GALNT13: variants seen among roughly 807,000 people sequenced by gnomAD.
GALNT13 encodes polypeptide N-acetylgalactosaminyltransferase 13.
GALNT13 carries 28 observed loss-of-function variants against 64.2 expected under a neutral mutation model. The ratio of observed to expected loss-of-function variants is 0.44; its 90% CI spans 0.32 to 0.60. The LOEUF is 0.60. Among genes scored for constraint, GALNT13 ranks in the 20% least tolerant of loss-of-function variants. The pLI, the probability that GALNT13 is intolerant of heterozygous loss-of-function variation, is 0.05. For synonymous variants in GALNT13, 214 were observed against 224.6 expected (o/e 0.95, Z 0.42); for missense variants, 577 against 669.8 (o/e 0.86, Z 1.53).
In GALNT13 at chr2:153,944,453, G is replaced by T; in HGVS notation, c.-45G>T. 6.3e-7 allele frequency: 1 copy of T among 1,584,824 alleles called. No individual in the cohort carries two copies. ...TGTGTGGCTTGGATTTATCACAGTA[G>T]CATTTGTCTTCAATCTGTGTGTTAA... On this transcript the variant is annotated 5_prime_UTR_variant, in exon 3 of 13. Transcript: ENST00000392825.
intron 3 of GALNT13, among the ~76,000 whole-genome samples, chr2:153,973,485 A>G (rs1359734139): frequency 6.6e-6 from 1 of 152,056 alleles, no homozygotes; most frequent in African/African-American, 2.4e-5. Flanking sequence ...TGCCAAATTT[A>G]CAGTAACCCA....
chr2:153,806,284 C>G, the GALNT13 span, among the ~76,000 whole-genome samples: 7,742 of 152,072 alleles, frequency 0.051, 246 homozygotes, highest in Middle Eastern at 0.095. Flanking sequence ...GAAGCTCCCA[C>G]TAGCCAAAGA....
the GALNT13 span, among the ~76,000 whole-genome samples, chr2:153,847,602 T>C: frequency 8.6e-5 from 13 of 151,754 alleles, no homozygotes; most frequent in Admixed American, 8.5e-4. Context: ...GGAAATTAAA[T>C]AACACACATC....
At chr2:153,671,932 A>G in the GALNT13 span, among the ~76,000 whole-genome samples, 1 of 152,232 alleles carries the variant, frequency 6.6e-6, no homozygotes, top group Non-Finnish European at 1.5e-5. Context: ...CTTTAAACCA[A>G]CAAAGATCAA....
At chr2:153,962,271 C>T (rs1692998919) in intron 3 of GALNT13, among the ~76,000 whole-genome samples, 1 of 152,120 alleles carries the variant, frequency 6.6e-6, no homozygotes, top group Non-Finnish European at 1.5e-5. Flanking sequence ...TTCATAAGAT[C>T]ATTGCATATT....
At chr2:154,011,605 A>G (rs1579347) in intron 3 of GALNT13, among the ~76,000 whole-genome samples, 116,392 of 152,068 alleles carry the variant, frequency 0.77, 44,930 homozygotes, top group East Asian at 0.96. Flanking sequence ...CAAGTGTTGT[A>G]TTCAGTTCCT....
the GALNT13 span, among the ~76,000 whole-genome samples, chr2:153,400,568 G>C: frequency 3.3e-5 from 5 of 152,040 alleles, no homozygotes; most frequent in African/African-American, 1.2e-4. Context: ...ACTCTTTTTG[G>C]TTGGTAAGCT....
chr2:154,298,519 TA>T (rs1284718202), intron 8 of GALNT13, among the ~76,000 whole-genome samples: 2 of 72,922 alleles, frequency 2.7e-5, no homozygotes, highest in African/African-American at 8.2e-5. Flanking sequence ...AATTATATAT[TA>T]TATATAAAAT....
At chr2:153,707,552 A>G in the GALNT13 span, among the ~76,000 whole-genome samples, 2 of 152,312 alleles carry the variant, frequency 1.3e-5, no homozygotes, top group South Asian at 2.1e-4. Flanking sequence ...CAGTAGTTCA[A>G]TGTATGTGCT....
chr2:154,255,169 A>C (rs1195503745), intron 7 of GALNT13, among the ~76,000 whole-genome samples: 1 of 152,162 alleles, frequency 6.6e-6, no homozygotes, highest in Non-Finnish European at 1.5e-5. Context: ...GATTTCAAGC[A>C]GGAAGCCTGA....
At chr2:154,332,855 T>C (rs569518743) in intron 9 of GALNT13, among the ~76,000 whole-genome samples, 3 of 152,166 alleles carry the variant, frequency 2.0e-5, no homozygotes, top group Admixed American at 6.6e-5. Flanking sequence ...ATCTATCTTC[T>C]CATGTACATA....
At chr2:154,317,685 C>G (rs1420840994) in intron 9 of GALNT13, among the ~76,000 whole-genome samples, 2 of 152,106 alleles carry the variant, frequency 1.3e-5, no homozygotes, top group Non-Finnish European at 2.9e-5. Context: ...ATCCCTGTTT[C>G]CCTGGGACTC....
the GALNT13 span, among the ~76,000 whole-genome samples, chr2:153,426,187 A>G: frequency 6.6e-6 from 1 of 151,898 alleles, no homozygotes; most frequent in East Asian, 1.9e-4. Context: ...GTTGCCATTA[A>G]TCAGCATTGG....
At chr2:153,747,422 G>GTTTT in the GALNT13 span, among the ~76,000 whole-genome samples, 503 of 93,746 alleles carry the variant, frequency 5.4e-3, 68 homozygotes, top group African/African-American at 0.025. Flanking sequence ...AGTGCCTTTG[G>GTTTT]TTTTTTTTTT....
chr2:153,433,432 A>C, the GALNT13 span, among the ~76,000 whole-genome samples: 1 of 50,738 alleles, frequency 2.0e-5, no homozygotes, highest in African/African-American at 1.1e-4. Context: ...AGGCTTTGGC[A>C]ATCCTCTTAT....
chr2:153,394,732 C>CT, the GALNT13 span, among the ~76,000 whole-genome samples: 9 of 151,934 alleles, frequency 5.9e-5, no homozygotes, highest in Non-Finnish European at 8.8e-5. Flanking sequence ...TTAAAGAATT[C>CT]TTTTTTTTCC....
At chr2:154,392,225 T>C (rs531497956) in intron 9 of GALNT13, among the ~76,000 whole-genome samples, 1 of 152,214 alleles carries the variant, frequency 6.6e-6, no homozygotes, top group East Asian at 1.9e-4. Context: ...AAGAAGGCTT[T>C]AATAGGTTGC....
chr2:153,178,771 T>C, the GALNT13 span, among the ~76,000 whole-genome samples: 8 of 146,768 alleles, frequency 5.5e-5, no homozygotes, highest in African/African-American at 2.0e-4. Context: ...AGTCTTGCTC[T>C]GTTGCCCAGG....
the GALNT13 span, among the ~76,000 whole-genome samples, chr2:153,082,600 TATATATATATATATATATACACACAC>T: frequency 2.1e-5 from 1 of 46,520 alleles, no homozygotes; most frequent in African/African-American, 9.5e-5. Context: ...TATATATATA[TATATATATATATATATATACACACAC>T]ACACACACAC....
Sources: gnomAD v4.1 joint callset for allele counts (sites outside exome capture counted in the v4.1 genomes callset) on GRCh38, gnomAD v4.1.1 for gene constraint, MANE v1.5 for transcripts, NCBI Gene and HGNC (gene_info 2026-07-23, HGNC 2026-07-21) for gene names.